TNXB: variants seen among roughly 807,000 people sequenced by gnomAD.
TNXB encodes tenascin-X.
A neutral mutation model predicts 340.5 loss-of-function variants in TNXB; 183 were observed. The ratio of observed to expected loss-of-function variants is 0.54; its 90% CI spans 0.48 to 0.61. The LOEUF is 0.61. Ranked by LOEUF, TNXB falls within the 20% of genes least tolerant of loss-of-function variation. The pLI, the probability that TNXB is intolerant of heterozygous loss-of-function variation, is 0.00. For missense variants in TNXB, 4,613 were observed against 5,446.4 expected, an observed-to-expected ratio of 0.85 and a Z score of 4.82; for synonymous variants, 2,121 against 2,314.5, an observed-to-expected ratio of 0.92 and a Z score of 2.40.
At position 32,045,981 on chromosome 6, in the gene TNXB, T is replaced by A. The variant is rs541636307; in HGVS notation, c.10606+194A>T. 4.9e-4 allele frequency: 642 copies of A among 1,315,018 alleles called. 7 individuals are homozygous for A. In the African/African-American group the frequency reaches 8.4e-3, roughly 17 times the overall value. 81.5% of individuals were successfully genotyped at this position (1,315,018 alleles called of 1,614,324 possible). ...CCTCCCAGGGCCTTTCCCTCCCGCC[T>A]GGCCTGGCTCCTGCTCTGGACTCCT... is the stretch of plus-strand genomic sequence containing the variant. On this transcript the variant is annotated intron_variant, in intron 31 of 43. Transcript: ENST00000644971.
At position 32,081,956 on chromosome 6, in the gene TNXB, C is replaced by T. The variant is rs989841506; in HGVS notation, c.3736+80G>A. Reference sequence around the variant, plus strand: ...GGAGTCAGCTGTCTTGCTGGGGGACCCCAGCTGGTTTTGGGCTGAAGGGAA... The same window carrying T: ...GGAGTCAGCTGTCTTGCTGGGGGACTCCAGCTGGTTTTGGGCTGAAGGGAA... On this transcript the variant is annotated intron_variant, in intron 9 of 43. Coordinates refer to ENST00000644971, the MANE Select transcript of TNXB (RefSeq NM_001365276.2). The surrounding 1 kb of genome is among the most constrained non-coding windows in gnomAD (Gnocchi z 5.1). 2.1e-6 allele frequency: 3 copies of T among 1,419,820 alleles called. No homozygotes were observed. In the African/African-American group the frequency reaches 4.2e-5, roughly 20 times the overall value. 88.0% of individuals were successfully genotyped at this position (1,419,820 alleles called of 1,614,324 possible). A position where few individuals can be genotyped will look rare whatever the true frequency, so the allele number is the denominator to read the frequency against.
In TNXB at chr6:32,046,724, A is replaced by C; in HGVS notation, c.10325-268T>G. The C allele has an allele frequency of 2.6e-6, 1 of 383,996 alleles. No homozygotes were observed. 23.8% of individuals were successfully genotyped at this position (383,996 alleles called of 1,614,324 possible). ...CGAGGATGCGCCAAATTCATTACAG[A>C]TCATCTCCCGAGGGATGGGTGGCTG... On this transcript the variant is annotated intron_variant, in intron 30 of 43. Transcript: ENST00000644971. The surrounding 1 kb of genome is among the most constrained non-coding windows in gnomAD (Gnocchi z 6.9).
chr6:32,071,200 G>A (rs568362306), intron 13 of TNXB, among the ~76,000 whole-genome samples: 6 of 152,228 alleles, frequency 3.9e-5, no homozygotes, highest in Non-Finnish European at 8.8e-5. Flanking sequence ...GCACAGCTGG[G>A]CTGGGCTCCT....
chr6:32,049,427 G>A lies in TNXB; in HGVS notation c.9600C>T (p.Tyr3200=), dbSNP rs779113675. ...QGRFDSFTVQ[Y]KDRDGQPQVV... ...CCTGGGGCTGCCCGTCCCTGTCCTTGTACTGCACGGTGAAGGAGTCGAAGC... is the reference window on the plus strand; with the variant it reads ...CCTGGGGCTGCCCGTCCCTGTCCTTATACTGCACGGTGAAGGAGTCGAAGC... Residue 3200 remains tyrosine, a synonymous_variant, in exon 28 of 44, where the codon TAC becomes TAT. Coordinates refer to ENST00000644971, the MANE Select transcript of TNXB (RefSeq NM_001365276.2). The surrounding 1 kb of genome is among the most constrained non-coding windows in gnomAD (Gnocchi z 4.5). 1 of 1,612,738 alleles carries A rather than the reference G, an allele frequency of 6.2e-7. No individual in the cohort carries two copies. The highest frequency in any genetic ancestry group is 2.2e-5 in the East Asian group (1 of 44,876).
In TNXB at chr6:32,079,122, C is replaced by A. The variant is rs1217559384; in HGVS notation, c.4286G>T (p.Gly1429Val). The change falls in exon 11 of 44, where the codon GGC becomes GTC. Residue 1429 changes from glycine (G) to valine (V), a missense_variant. By Grantham distance (109) the Gly-to-Val change is moderately radical (BLOSUM62 -3). Around this residue, in one of 7 missense-constraint regions of TNXB, gnomAD observed 4,327 missense variants for 4,859.4 expected, o/e 0.89. Transcript: ENST00000644971. This position sits in a 1 kb window ranked among gnomAD's most constrained non-coding sequence, Gnocchi z 7.1. ...GGKESEVTVG[G>V]LEPGHKYKMH... ...CTTGTACTTGTGCCCGGGCTCTAGGCCTCCCACGGTGACCTCACTCTCCTT... is the reference window on the plus strand; with the variant it reads ...CTTGTACTTGTGCCCGGGCTCTAGGACTCCCACGGTGACCTCACTCTCCTT... 6.2e-7 allele frequency: 1 copy of A among 1,613,838 alleles called. No individual in the cohort carries two copies. The highest frequency in any genetic ancestry group is 1.3e-5 in the African/African-American group (1 of 75,070).
chr6:32,083,188 G>A lies in TNXB; in HGVS notation c.3446-862C>T, dbSNP rs1048506334. On this transcript the variant is annotated intron_variant, in intron 8 of 43. Transcript: ENST00000644971. The surrounding 1 kb of genome is among the most constrained non-coding windows in gnomAD (Gnocchi z 4.6). ...GTCCAACCGCACCCTCCTTCCTGGA[G>A]TCCAGACAGCACCCTCCCTGGTTCT... is the stretch of plus-strand genomic sequence containing the variant. Among the ~76,000 whole-genome samples, 2 of 152,110 alleles carry A rather than the reference G, an allele frequency of 1.3e-5. No homozygotes were observed. Among genetic ancestry groups the A allele is most frequent in the Non-Finnish European group, 2.9e-5 (2 of 68,030 alleles).
chr6:32,058,493 C>G lies in TNXB; in HGVS notation c.7493-103G>C. 2 of 999,546 alleles carry G rather than the reference C, an allele frequency of 2.0e-6. No homozygotes were observed. The highest frequency in any genetic ancestry group is 2.9e-6 in the Non-Finnish European group (2 of 697,742). 61.9% of individuals were successfully genotyped at this position (999,546 alleles called of 1,614,324 possible). A position where few individuals can be genotyped will look rare whatever the true frequency, so the allele number is the denominator to read the frequency against. On this transcript the variant is annotated intron_variant, in intron 21 of 43. Coordinates refer to ENST00000644971, the MANE Select transcript of TNXB (RefSeq NM_001365276.2). This position sits in a 1 kb window ranked among gnomAD's most constrained non-coding sequence, Gnocchi z 5.1. Reference sequence around the variant, plus strand: ...ATACATCAAATGTGCCCCTCCAGAGCAGGCTGAGGGCTGGGGCAGCTTTGT... The same window carrying G: ...ATACATCAAATGTGCCCCTCCAGAGGAGGCTGAGGGCTGGGGCAGCTTTGT...
At chr6:32,105,249 G>A (rs986701276) in intron 1 of TNXB, among the ~76,000 whole-genome samples, 2 of 151,714 alleles carry the variant, frequency 1.3e-5, no homozygotes, top group African/African-American at 4.9e-5. Context: ...CATCCTTCAG[G>A]TCTCAGCCCG....
intron 1 of TNXB, among the ~76,000 whole-genome samples, chr6:32,107,650 T>A (rs1163124882): frequency 6.6e-6 from 1 of 152,146 alleles, no homozygotes. Context: ...CTTCCCAAAC[T>A]GTGACTCAGC....
intron 1 of TNXB, among the ~76,000 whole-genome samples, chr6:32,107,758 G>C (rs1212671732): frequency 6.6e-6 from 1 of 152,122 alleles, no homozygotes; most frequent in African/African-American, 2.4e-5. Context: ...TTCCATAAAA[G>C]ATGTTCCACA....
At chr6:32,056,224 C>T (rs1467324466) in intron 23 of TNXB, 50 bp from the exon 24 acceptor site, 2 of 1,577,044 alleles carry the variant, frequency 1.3e-6, no homozygotes, top group Admixed American at 1.8e-5. Context: ...GGGATGTGCT[C>T]AGGTCTTCAA....
chr6:32,108,454 C>A lies in TNXB; in HGVS notation c.-9+727G>T, dbSNP rs1035101009. Among the ~76,000 whole-genome samples, 3 of 152,062 alleles carry A rather than the reference C, an allele frequency of 2.0e-5. No individual in the cohort carries two copies. The highest frequency in any genetic ancestry group is 7.2e-5 in the African/African-American group (3 of 41,382). Reference sequence around the variant, plus strand: ...CAGAGTGAAGACGGAGCCCCTGTGCCCCCAGAGGCATCTCTCAGCCATCCC... The same window carrying A: ...CAGAGTGAAGACGGAGCCCCTGTGCACCCAGAGGCATCTCTCAGCCATCCC... On this transcript the variant is annotated intron_variant, in intron 1 of 43. Coordinates refer to ENST00000644971, the MANE Select transcript of TNXB (RefSeq NM_001365276.2). The surrounding 1 kb of genome is among the most constrained non-coding windows in gnomAD (Gnocchi z 4.8).
rs1777311304 is a variant in TNXB, at chr6:32,052,064, G to C, written c.9115+606C>G. On this transcript the variant is annotated intron_variant, in intron 26 of 43. Coordinates refer to ENST00000644971, the MANE Select transcript of TNXB (RefSeq NM_001365276.2). The surrounding 1 kb of genome is among the most constrained non-coding windows in gnomAD (Gnocchi z 4.7). ...CAAACTAGAAAGCGATTAGAATGGC[G>C]AATTATGTCAAGTGTACTTTACTAC... 6.6e-6 allele frequency among the ~76,000 whole-genome samples: 1 copy of C among 152,168 alleles called. No homozygotes were observed. Among genetic ancestry groups the C allele is most frequent in the Non-Finnish European group, 1.5e-5 (1 of 68,026 alleles).
At chr6:32,095,541 A>G in intron 3 of TNXB, 70 bp downstream of exon 3, 1 of 1,544,072 alleles carries the variant, frequency 6.5e-7, no homozygotes, top group Non-Finnish European at 8.8e-7. Context: ...CCTCAGGCTC[A>G]GGTCTTCCCC....
chr6:32,054,849 C>T (rs1349552533), intron 24 of TNXB, among the ~76,000 whole-genome samples: 1 of 152,214 alleles, frequency 6.6e-6, no homozygotes, highest in Non-Finnish European at 1.5e-5. Flanking sequence ...GCTGGCCTGG[C>T]ACAGTCTGGT....
chr6:32,069,669 C>A lies in TNXB; in HGVS notation c.5471G>T (p.Gly1824Val), dbSNP rs760712251. The change falls in exon 15 of 44, where the codon GGC (glycine) becomes GTC (valine). Residue 1824 changes from glycine to valine, a missense_variant. Gly to Val is a moderately radical substitution (Grantham distance 109). Coordinates refer to ENST00000644971, the MANE Select transcript of TNXB (RefSeq NM_001365276.2). This position sits in a 1 kb window ranked among gnomAD's most constrained non-coding sequence, Gnocchi z 6.2. ...CGGCACGCTGACCTCCCTGAGGCTGCCCTCCACGGGCACCACCTGGGGCTG... is the reference window on the plus strand; with the variant it reads ...CGGCACGCTGACCTCCCTGAGGCTGACCTCCACGGGCACCACCTGGGGCTG... ...DGQPQVVPVE[G>V]SLREVSVPGL... is the part of the protein sequence containing the mutation. 12 of 1,613,024 alleles carry A rather than the reference C, an allele frequency of 7.4e-6. No individual in the cohort carries two copies. Among genetic ancestry groups the A allele is most frequent in the Middle Eastern group, 1.7e-4 (1 of 6,060 alleles).
rs369288131 is a variant in TNXB, at chr6:32,067,777, C to T, written c.6428G>A (p.Gly2143Asp). ...DGRPQVVRVGGEESEVTVGGL... is the reference protein window; with the variant it reads ...DGRPQVVRVGDEESEVTVGGL... ...CCCCACGGTGACTTCACTCTCCTCG[C>T]CCCCAACACGCACCACCTGGGGCCG... Residue 2143 changes from glycine (G) to aspartate (D), a missense_variant, in exon 18 of 44, where the codon GGC becomes GAC. Physicochemically the swap from Gly to Asp is moderately conservative, Grantham distance 94. Coordinates refer to ENST00000644971, the MANE Select transcript of TNXB (RefSeq NM_001365276.2). This position sits in a 1 kb window ranked among gnomAD's most constrained non-coding sequence, Gnocchi z 4.2. 7.9e-5 allele frequency: 128 copies of T among 1,613,668 alleles called. 1 individual carries two copies. The African/African-American group carries it at 1.6e-3, about 21-fold the overall frequency.
Position 32,048,351 on chromosome 6 carries a change from GC to G in TNXB, c.10045+11del. The G allele has an allele frequency of 3.4e-6, 5 of 1,478,204 alleles. No individual in the cohort carries two copies. Among genetic ancestry groups the G allele is most frequent in the Non-Finnish European group, 4.5e-6 (5 of 1,112,568 alleles). The allele number at this position is 1,478,204 out of a possible 1,614,324, so 91.6% of individuals were successfully genotyped here. A position where few individuals can be genotyped will look rare whatever the true frequency, so the allele number is the denominator to read the frequency against. On this transcript the variant is annotated intron_variant, in intron 29 of 43. Transcript: ENST00000644971. Reference sequence around the variant, plus strand: ...AGGCTCTGGCCGCGGGAGGCCTCCAGCCCTCACTCACCGGTCCTGGCCTCCA... The same window carrying G: ...AGGCTCTGGCCGCGGGAGGCCTCCAGCCTCACTCACCGGTCCTGGCCTCCA...
chr6:32,084,528 TC>T lies in TNXB; in HGVS notation c.3329del (p.Gly1110AspfsTer58), dbSNP rs1387027396. 1 of 1,608,406 alleles carries T rather than the reference TC, an allele frequency of 6.2e-7. No homozygotes were observed. Among genetic ancestry groups the T allele is most frequent in the Non-Finnish European group, 8.5e-7 (1 of 1,178,572 alleles). On this transcript the variant is annotated frameshift_variant, in exon 8 of 44. Coordinates refer to ENST00000644971, the MANE Select transcript of TNXB (RefSeq NM_001365276.2). LOFTEE classifies it high-confidence loss of function. This position sits in a 1 kb window ranked among gnomAD's most constrained non-coding sequence, Gnocchi z 5.5. ...DGQPQVVPVE[G>X]PQRSAVITSL... ...AGGTGATGACGGCCGAGCGCTGGGG[TC>T]CTTCCACGGGCACCACCTGGGGCTG...
Sources: allele counts gnomAD v4.1 joint callset (sites outside exome capture counted in the v4.1 genomes callset), GRCh38; gene constraint gnomAD v4.1.1; regional missense constraint gnomAD v4.1.1; non-coding constraint Gnocchi (gnomAD v3.1); transcripts MANE v1.5; gene names NCBI Gene and HGNC (gene_info 2026-07-23, HGNC 2026-07-21).